Variants in XPOT observed in about 807,000 individuals in gnomAD.
XPOT encodes the protein exportin-T.
XPOT carries 34 observed loss-of-function variants against 128.2 expected under a neutral mutation model. The ratio of observed to expected loss-of-function variants is 0.27; its 90% CI spans 0.20 to 0.35. XPOT has a LOEUF of 0.35. XPOT is among the 10% of genes least tolerant of loss of function. The pLI is 1.00. For synonymous variants in XPOT, 348 were observed against 394.3 expected, an observed-to-expected ratio of 0.88 and a Z score of 1.39; for missense variants, 838 against 1,125.3, an observed-to-expected ratio of 0.74 and a Z score of 3.65.
chr12:64,405,392 C>G (rs1288982074), intron 1 of XPOT: 3 of 151,826 alleles, frequency 2.0e-5, no homozygotes, highest in African/African-American at 7.3e-5. Flanking sequence ...GGGAGAGTTA[C>G]GTTTTATTAA....
chr12:64,434,358 G>T, intron 19 of XPOT, 149 bp from the exon 20 acceptor site: 1 of 583,184 alleles, frequency 1.7e-6, no homozygotes, highest in Non-Finnish European at 3.1e-6. Flanking sequence ...AGGGATTTTG[G>T]CAATTCTGTA....
chr12:64,413,595 C>A (rs1592525488), intron 2 of XPOT, among the ~76,000 whole-genome samples: 1 of 152,174 alleles, frequency 6.6e-6, no homozygotes, highest in African/African-American at 2.4e-5. Flanking sequence ...TTTACCTGGT[C>A]TTCTGTCAGT....
chr12:64,414,767 T>C (rs1467024032), intron 2 of XPOT, 140 bp from the exon 3 acceptor site: 3 of 565,956 alleles, frequency 5.3e-6, no homozygotes, highest in Non-Finnish European at 9.6e-6. Flanking sequence ...TTCGGAAGCC[T>C]GCATTTAATG....
chr12:64,415,614 T>C (rs1367159075), intron 3 of XPOT, among the ~76,000 whole-genome samples: 3 of 152,072 alleles, frequency 2.0e-5, no homozygotes, highest in African/African-American at 7.2e-5. Context: ...CTCCTGACCT[T>C]GTGATCCGCC....
At chr12:64,426,841 G>A (rs1261358590) in intron 15 of XPOT, among the ~76,000 whole-genome samples, 3 of 151,894 alleles carry the variant, frequency 2.0e-5, no homozygotes, top group Non-Finnish European at 4.4e-5. Context: ...AAAATTAGCC[G>A]GGCATGGTGG....
chr12:64,438,498 G>A (rs2040300190), intron 22 of XPOT, among the ~76,000 whole-genome samples: 1 of 152,150 alleles, frequency 6.6e-6, no homozygotes, highest in Admixed American at 6.5e-5. Context: ...TTCCTCTGAT[G>A]GGTCATTAAA....
intron 17 of XPOT, 30 bp from the exon 18 acceptor site, chr12:64,431,508 C>G (rs745946552): frequency 6.2e-7 from 1 of 1,603,402 alleles, no homozygotes; most frequent in Admixed American, 1.7e-5. Flanking sequence ...AATAAAGTTG[C>G]ATCTGATTGC....
rs1013479859 is a variant in XPOT at position 64,439,120 on chromosome 12, C to T, written c.2734-124C>T. The T allele has an allele frequency of 2.4e-5, 20 of 836,288 alleles. No homozygotes were observed. The Admixed American group carries it at 4.8e-4, about 20-fold the overall frequency. 51.8% of individuals were successfully genotyped at this position (836,288 alleles called of 1,614,324 possible). ...GGCTTCAAACCAAGGCAGTCTGGCT[C>T]TCGGGTCTGTGTTCTTAAGCACAAT... On this transcript the variant is annotated intron_variant, in intron 22 of 24. Transcript: ENST00000332707.
chr12:64,407,110 C>T lies in XPOT; in HGVS notation c.-75+2306C>T, dbSNP rs2039990834. Among the ~76,000 whole-genome samples, 3 of 152,158 alleles carry T rather than the reference C, an allele frequency of 2.0e-5. No homozygotes were observed. In the South Asian group the frequency reaches 6.2e-4, roughly 32 times the overall value. ...AAAAATGACAAGATGGGGATACAAA[C>T]CCAGGTCTTTGAAATCCAAAACCTA... On this transcript the variant is annotated intron_variant, in intron 1 of 24. Coordinates refer to ENST00000332707, the MANE Select transcript of XPOT (RefSeq NM_007235.6).
At position 64,423,171 on chromosome 12, in the gene XPOT, T is replaced by G. The variant is rs2040156813; in HGVS notation, c.1120-11T>G. On this transcript the variant is annotated splice_polypyrimidine_tract_variant and intron_variant, in intron 10 of 24. Coordinates refer to ENST00000332707, the MANE Select transcript of XPOT (RefSeq NM_007235.6). ...TGACAAAAACTCTTTTATTCTCAAT[T>G]TTATTCTTAGGCAATCATGTTGGCC... 2.5e-6 allele frequency: 4 copies of G among 1,600,800 alleles called. No homozygotes were observed. In the South Asian group the frequency reaches 4.6e-5, roughly 18 times the overall value.
At chr12:64,427,790 G>A (rs1020199730) in intron 15 of XPOT, among the ~76,000 whole-genome samples, 3 of 152,114 alleles carry the variant, frequency 2.0e-5, no homozygotes, top group African/African-American at 7.2e-5. Flanking sequence ...CACTTGGCCT[G>A]TATTATTCTT....
intron 18 of XPOT, among the ~76,000 whole-genome samples, chr12:64,432,482 G>A (rs550290406): frequency 2.0e-5 from 3 of 152,264 alleles, no homozygotes; most frequent in South Asian, 4.1e-4. Flanking sequence ...CTGACCTCAA[G>A]TGATCCTCCT....
At chr12:64,416,057 T>C (rs777694314) in intron 3 of XPOT, among the ~76,000 whole-genome samples, 5 of 152,226 alleles carry the variant, frequency 3.3e-5, no homozygotes, top group Non-Finnish European at 7.3e-5. Flanking sequence ...TAGAAGATCT[T>C]TGTCAGTGTT....
At chr12:64,435,722 T>C (rs781073222) in intron 22 of XPOT, 48 bp downstream of exon 22, 12 of 1,534,260 alleles carry the variant, frequency 7.8e-6, no homozygotes, top group African/African-American at 1.4e-5. Context: ...ACATGTGGTA[T>C]TATTATCTTG....
rs753372964 is a variant in XPOT, at chr12:64,434,829, G to A, written c.2605G>A (p.Val869Ile). 6.2e-6 allele frequency: 10 copies of A among 1,611,990 alleles called. No homozygotes were observed. In the Admixed American group the frequency reaches 8.3e-5, roughly 13 times the overall value. The change falls in exon 21 of 25, where the codon GTT (valine) becomes ATT (isoleucine). Residue 869 changes from valine (V) to isoleucine (I), a missense_variant. Val to Ile is a conservative substitution (Grantham distance 29). Transcript: ENST00000332707. ...KDGPVGFADF[V>I]YKHIVPACFL... Reference sequence around the variant, plus strand: ...TGGACCAGTGGGATTTGCTGATTTTGTTTATAAGCACATTGTCCCCGCATG... The same window carrying A: ...TGGACCAGTGGGATTTGCTGATTTTATTTATAAGCACATTGTCCCCGCATG...
rs775293721 is a variant in XPOT at position 64,425,912 on chromosome 12, A to G, written c.1667+3A>G. On this transcript the variant is annotated splice_donor_region_variant and intron_variant, in intron 15 of 24. Transcript: ENST00000332707. ...TCTAGATTTGTCAAATCTCTCAAGTAAGTATAAAATTGCAGCTATTATGTT... is the reference window on the plus strand; with the variant it reads ...TCTAGATTTGTCAAATCTCTCAAGTGAGTATAAAATTGCAGCTATTATGTT... The G allele has an allele frequency of 4.3e-6, 7 of 1,612,570 alleles. No individual in the cohort carries two copies. The highest frequency in any genetic ancestry group is 1.7e-5 in the Admixed American group (1 of 60,012).
chr12:64,405,049 C>T (rs2039965703), intron 1 of XPOT: 1 of 152,054 alleles, frequency 6.6e-6, no homozygotes, highest in African/African-American at 2.4e-5. Context: ...TTTCATCACC[C>T]GAATTGCCAC....
intron 6 of XPOT, among the ~76,000 whole-genome samples, chr12:64,419,713 C>T (rs2040120941): frequency 6.6e-6 from 1 of 152,164 alleles, no homozygotes; most frequent in Non-Finnish European, 1.5e-5. Flanking sequence ...GCTATATAGT[C>T]CCTGAGCAAG....
intron 14 of XPOT, 130 bp from the exon 15 acceptor site, chr12:64,425,685 C>G: frequency 2.0e-6 from 2 of 1,006,820 alleles, no homozygotes; most frequent in South Asian, 1.5e-5. Context: ...TTTAGAATTA[C>G]TCGTATATTC....
Sources: allele counts gnomAD v4.1 joint callset (sites outside exome capture counted in the v4.1 genomes callset), GRCh38; gene constraint gnomAD v4.1.1; transcripts MANE v1.5; gene names NCBI Gene and HGNC (gene_info 2026-07-23, HGNC 2026-07-21).